CTHRC1: variants seen among roughly 807,000 people sequenced by gnomAD.
CTHRC1 encodes collagen triple helix repeat containing 1.
In CTHRC1, 21 loss-of-function variants were observed where a neutral mutation model predicts 25.9. The ratio of observed to expected loss-of-function variants is 0.81; its 90% confidence interval spans 0.57 to 1.17. The LOEUF is 1.17. CTHRC1 is among the 50% of genes most tolerant of loss of function. The pLI, the probability that CTHRC1 is intolerant of heterozygous loss-of-function variation, is 0.00. For synonymous variants in CTHRC1, 109 were observed against 113.1 expected (o/e 0.96, Z 0.23); for missense variants, 281 against 304.3 (o/e 0.92, Z 0.57).
Position 103,382,449 on chromosome 8 carries a change from GT to G in CTHRC1, c.590-8del. On this transcript the variant is annotated splice_region_variant and splice_polypyrimidine_tract_variant and intron_variant, in intron 3 of 3. Coordinates refer to ENST00000330295, the MANE Select transcript of CTHRC1 (RefSeq NM_138455.4). ...AAAGAAAGATGTAACTTTCATCTTT[GT>G]CTTGCAGTGGAAGGACTTTGTGAAG... The G allele has an allele frequency of 6.2e-7, 1 of 1,613,652 alleles. No homozygotes were observed.
In CTHRC1 at chr8:103,382,869, T is replaced by G. The variant is rs1025272964; in HGVS notation, c.*269T>G. ...CCTATAATTTGGAATATTGTTGTGG[T>G]CTTTTGTTTTTTCTCTTAGTATAGC... On this transcript the variant is annotated 3_prime_UTR_variant, in exon 4 of 4. Coordinates refer to ENST00000330295, the MANE Select transcript of CTHRC1 (RefSeq NM_138455.4). The G allele has an allele frequency of 2.2e-5, 8 of 356,938 alleles. No individual in the cohort carries two copies. Among genetic ancestry groups the G allele is most frequent in the Middle Eastern group, 8.8e-4 (1 of 1,132 alleles). The allele number at this position is 356,938 out of a possible 1,614,324, so 22.1% of individuals were successfully genotyped here.
rs768415647 is a variant in CTHRC1, at chr8:103,375,922, G to T, written c.335G>T (p.Ser112Ile). The change falls in exon 2 of 4, where the codon AGT becomes ATT. Residue 112 changes from serine (S) to isoleucine (I), a missense_variant. Ser to Ile is a moderately radical substitution (Grantham distance 142). Coordinates refer to ENST00000330295, the MANE Select transcript of CTHRC1 (RefSeq NM_138455.4). Reference protein sequence around the residue: ...WTPNYKQCSWSSLNYGIDLGK... With the variant: ...WTPNYKQCSWISLNYGIDLGK... ...CCCAACTACAAGCAGTGTTCATGGA[G>T]TTCATTGAATTATGGCATAGATCTT... 1.2e-6 allele frequency: 2 copies of T among 1,613,982 alleles called. No homozygotes were observed. The highest frequency in any genetic ancestry group is 1.7e-6 in the Non-Finnish European group (2 of 1,179,920).
intron 1 of CTHRC1, 121 bp from the exon 2 acceptor site, chr8:103,375,617 G>A (rs1394601567): frequency 7.4e-6 from 6 of 807,728 alleles, no homozygotes; most frequent in South Asian, 4.1e-5. Flanking sequence ...TCTAGAACAC[G>A]GGCATGTGGT....
Position 103,371,781 on chromosome 8 carries a change from T to C in CTHRC1, c.125T>C (p.Leu42Pro). Residue 42 changes from leucine to proline, a missense_variant, in exon 1 of 4, where the codon CTC (leucine) becomes CCC (proline). By Grantham distance (98) the Leu-to-Pro change is moderately conservative. Coordinates refer to ENST00000330295, the MANE Select transcript of CTHRC1 (RefSeq NM_138455.4). Reference protein sequence around the residue: ...EIPKGKQKAQLRQREVVDLYN... With the variant: ...EIPKGKQKAQPRQREVVDLYN... ...CCCAAGGGGAAGCAAAAGGCGCAGC[T>C]CCGGCAGAGGGAGGTGGTGGACCTG... 6.5e-7 allele frequency: 1 copy of C among 1,533,612 alleles called. No individual in the cohort carries two copies. Among genetic ancestry groups the C allele is most frequent in the Non-Finnish European group, 8.8e-7 (1 of 1,139,806 alleles).
At chr8:103,371,851 G>T in intron 1 of CTHRC1, 45 bp downstream of exon 1, 2 of 1,459,520 alleles carry the variant, frequency 1.4e-6, no homozygotes, top group Non-Finnish European at 1.8e-6. Context: ...CTGGTGGAGG[G>T]GACCTGGCCG....
chr8:103,380,711 C>G (rs1171886787), intron 3 of CTHRC1, among the ~76,000 whole-genome samples: 1 of 152,220 alleles, frequency 6.6e-6, no homozygotes, highest in African/African-American at 2.4e-5. Context: ...TCAGATGAGG[C>G]TGATGCAAGA....
chr8:103,382,859 ATT>A lies in CTHRC1; in HGVS notation c.*260_*261del. 5.1e-6 allele frequency: 2 copies of A among 394,940 alleles called. No individual in the cohort carries two copies. The highest frequency in any genetic ancestry group is 9.3e-6 in the Non-Finnish European group (2 of 214,166). The allele number at this position is 394,940 out of a possible 1,614,324, so 24.5% of individuals were successfully genotyped here. On this transcript the variant is annotated 3_prime_UTR_variant, in exon 4 of 4. Transcript: ENST00000330295. ...ATTCTCTCAACCTATAATTTGGAATATTGTTGTGGTCTTTTGTTTTTTCTCTT... is the reference window on the plus strand; with the variant it reads ...ATTCTCTCAACCTATAATTTGGAATAGTTGTGGTCTTTTGTTTTTTCTCTT...
At chr8:103,374,886 G>T (rs1319328898) in intron 1 of CTHRC1, among the ~76,000 whole-genome samples, 1 of 152,198 alleles carries the variant, frequency 6.6e-6, no homozygotes, top group Non-Finnish European at 1.5e-5. Context: ...CAGAGCTAAT[G>T]TAAGGTGGAG....
intron 2 of CTHRC1, chr8:103,376,176 G>A: frequency 1.6e-6 from 1 of 607,442 alleles, no homozygotes; most frequent in Admixed American, 3.0e-5. Context: ...TTTAACCATA[G>A]TATCTAAAAT....
chr8:103,373,573 T>G (rs1815751605), intron 1 of CTHRC1, among the ~76,000 whole-genome samples: 1 of 151,534 alleles, frequency 6.6e-6, no homozygotes. Context: ...TTGAAATGTA[T>G]CTTTTAGATG....
chr8:103,375,376 C>T (rs1815786247), intron 1 of CTHRC1, among the ~76,000 whole-genome samples: 1 of 152,084 alleles, frequency 6.6e-6, no homozygotes, highest in Admixed American at 6.5e-5. Flanking sequence ...ATCCAGGTCC[C>T]TTTGCAAGAT....
At chr8:103,373,890 G>C (rs999352657) in intron 1 of CTHRC1, among the ~76,000 whole-genome samples, 1 of 151,864 alleles carries the variant, frequency 6.6e-6, no homozygotes, top group African/African-American at 2.4e-5. Context: ...ATCAGAAGCA[G>C]TCTTATTCCC....
At chr8:103,381,734 C>T (rs200680396) in intron 3 of CTHRC1, among the ~76,000 whole-genome samples, 12 of 152,122 alleles carry the variant, frequency 7.9e-5, no homozygotes, top group African/African-American at 1.4e-4. Flanking sequence ...CACGGTGGCT[C>T]ATGCCTGTAA....
At chr8:103,372,300 T>A (rs1815722097) in intron 1 of CTHRC1, 1 of 628,112 alleles carries the variant, frequency 1.6e-6, no homozygotes, top group African/African-American at 1.9e-5. Flanking sequence ...CGAGAGAGAA[T>A]AACAACCCCC....
intron 1 of CTHRC1, 92 bp downstream of exon 1, chr8:103,371,898 G>A (rs1815711815): frequency 7.7e-7 from 1 of 1,296,004 alleles, no homozygotes; most frequent in South Asian, 1.6e-5. Flanking sequence ...TGGCTGTTGG[G>A]GGTGTCTGTC....
At chr8:103,382,175 A>G (rs1815925017) in intron 3 of CTHRC1, among the ~76,000 whole-genome samples, 1 of 152,128 alleles carries the variant, frequency 6.6e-6, no homozygotes, top group Non-Finnish European at 1.5e-5. Flanking sequence ...GTTTTAAGCT[A>G]TCTCTGTAAG....
intron 1 of CTHRC1, among the ~76,000 whole-genome samples, chr8:103,373,621 C>T (rs1815752076): frequency 6.7e-6 from 1 of 149,730 alleles, no homozygotes; most frequent in South Asian, 2.2e-4. Flanking sequence ...GCACAATGGA[C>T]ATGTTGGGCC....
At chr8:103,377,792 A>C (rs986864277) in intron 2 of CTHRC1, among the ~76,000 whole-genome samples, 1 of 152,016 alleles carries the variant, frequency 6.6e-6, no homozygotes, top group Non-Finnish European at 1.5e-5. Flanking sequence ...TTTAGTAGAG[A>C]TGGGTTTCGC....
In CTHRC1 at chr8:103,378,223, A is replaced by G. The variant is rs748020101; in HGVS notation, c.569A>G (p.Asn190Ser). The stretch of plus-strand genomic sequence containing the variant: ...AGCCCTGAAATGAATTCAACAATTA[A>G]TATTCATCGCACTTCTTCTGGTATG... ...QGSPEMNSTI[N>S]IHRTSSVEGL... Residue 190 changes from asparagine to serine, a missense_variant, in exon 3 of 4, where the codon AAT becomes AGT. Coordinates refer to ENST00000330295, the MANE Select transcript of CTHRC1 (RefSeq NM_138455.4). 2 of 1,613,030 alleles carry G rather than the reference A, an allele frequency of 1.2e-6. No individual in the cohort carries two copies. The highest frequency in any genetic ancestry group is 2.2e-5 in the South Asian group (2 of 91,066).
Sources: gnomAD v4.1 joint callset for allele counts (sites outside exome capture counted in the v4.1 genomes callset) on GRCh38, gnomAD v4.1.1 for gene constraint, MANE v1.5 for transcripts, NCBI Gene and HGNC (gene_info 2026-07-23, HGNC 2026-07-21) for gene names.